APBB1IP: variants seen among roughly 807,000 people sequenced by gnomAD.
APBB1IP encodes amyloid beta precursor protein binding family B member 1 interacting protein, also known as amyloid beta A4 precursor protein-binding family B member 1-interacting protein.
A neutral mutation model predicts 64.9 loss-of-function variants in APBB1IP; 27 were observed. The observed-to-expected ratio is 0.42, with a 90% confidence interval of 0.31 to 0.57. The LOEUF (loss-of-function observed/expected upper bound fraction) is 0.57. Among genes scored for constraint, APBB1IP ranks in the 20% least tolerant of loss-of-function variants. The pLI is 0.20. For missense variants in APBB1IP, 812 were observed against 845.5 expected (o/e 0.96, Z 0.49); for synonymous variants, 392 against 331.0 (o/e 1.18, Z -2.00).
intron 14 of APBB1IP, among the ~76,000 whole-genome samples, chr10:26,566,612 T>C (rs1837047566): frequency 6.6e-6 from 1 of 152,162 alleles, no homozygotes; most frequent in Non-Finnish European, 1.5e-5. Flanking sequence ...TTTAGAATAA[T>C]TGCCTTATTC....
chr10:26,483,849 A>G (rs886674653), intron 2 of APBB1IP, among the ~76,000 whole-genome samples: 1 of 152,172 alleles, frequency 6.6e-6, no homozygotes, highest in African/African-American at 2.4e-5. Flanking sequence ...AATAGCAGGG[A>G]CTACAGGCGC....
chr10:26,562,409 A>G lies in APBB1IP; in HGVS notation c.1453A>G (p.Arg485Gly). 1 of 1,613,930 alleles carries G rather than the reference A, an allele frequency of 6.2e-7. No individual in the cohort carries two copies. The highest frequency in any genetic ancestry group is 8.5e-7 in the Non-Finnish European group (1 of 1,179,864). The change falls in exon 14 of 15, where the codon AGA (arginine) becomes GGA (glycine). Residue 485 changes from arginine to glycine, a missense_variant. By Grantham distance (125) the Arg-to-Gly change is moderately radical. This residue lies in a region of APBB1IP where 381 missense variants were observed against 352.1 expected (regional missense o/e 1.08). Transcript: ENST00000376236. ...SVSAVLQEAQ[R>G]HAETSKDKKP... Reference sequence around the variant, plus strand: ...CAGTGCTGTTCTCCAAGAGGCCCAGAGACATGCTGAAACATCGAAGGTAAA... The same window carrying G: ...CAGTGCTGTTCTCCAAGAGGCCCAGGGACATGCTGAAACATCGAAGGTAAA...
intron 3 of APBB1IP, among the ~76,000 whole-genome samples, chr10:26,494,328 A>C (rs879867483): frequency 1.3e-5 from 2 of 152,210 alleles, no homozygotes; most frequent in Non-Finnish European, 2.9e-5. Context: ...GCCAGGTTAC[A>C]GTCAGGTGGG....
chr10:26,497,610 G>C lies in APBB1IP; in HGVS notation c.160+1219G>C, dbSNP rs1002226247. On this transcript the variant is annotated intron_variant, in intron 4 of 14. Transcript: ENST00000376236. Reference sequence around the variant, plus strand: ...TTAGTGAGAACTCCCTGCAACTCTGGAAAAAGATTTCCCAAAGACTTGCTG... The same window carrying C: ...TTAGTGAGAACTCCCTGCAACTCTGCAAAAAGATTTCCCAAAGACTTGCTG... Among the ~76,000 whole-genome samples, 18 of 151,810 alleles carry C rather than the reference G, an allele frequency of 1.2e-4. No individual in the cohort carries two copies. In the East Asian group the frequency reaches 3.5e-3, roughly 29 times the overall value.
In APBB1IP at chr10:26,500,936, A is replaced by G. The variant is rs1836089319; in HGVS notation, c.278A>G (p.Gln93Arg). 1 of 1,614,206 alleles carries G rather than the reference A, an allele frequency of 6.2e-7. No homozygotes were observed. The highest frequency in any genetic ancestry group is 8.5e-7 in the Non-Finnish European group (1 of 1,180,042). The change falls in exon 5 of 15, where the codon CAA becomes CGA. Residue 93 changes from glutamine to arginine, a missense_variant. Coordinates refer to ENST00000376236, the MANE Select transcript of APBB1IP (RefSeq NM_019043.4). ...GCACAGAAAGAGTCCTTGCAGAATC[A>G]ACATCATTCAGCATCTCTACAAGCA... The part of the protein sequence containing the change: ...IQAQKESLQN[Q>R]HHSASLQASI...
intron 11 of APBB1IP, among the ~76,000 whole-genome samples, chr10:26,544,891 A>G (rs994888960): frequency 6.6e-6 from 1 of 152,216 alleles, no homozygotes; most frequent in Non-Finnish European, 1.5e-5. Flanking sequence ...CTAGGTCTAC[A>G]AGAGAGAGTT....
At chr10:26,496,418 G>C (rs1312664990) in intron 4 of APBB1IP, 27 bp downstream of exon 4, 11 of 1,540,466 alleles carry the variant, frequency 7.1e-6, no homozygotes, top group Non-Finnish European at 9.0e-6. Context: ...CTTTTCTTAA[G>C]TAATTCAAAA....
chr10:26,500,927 T>C lies in APBB1IP; in HGVS notation c.269T>C (p.Leu90Ser), dbSNP rs376106941. The change falls in exon 5 of 15, where the codon TTG becomes TCG. Residue 90 changes from leucine to serine, a missense_variant. Physicochemically the swap from Leu to Ser is moderately radical, Grantham distance 145 (BLOSUM62 -2). Around this residue, in one of 3 missense-constraint regions of APBB1IP, gnomAD observed 394 missense variants for 413.1 expected, o/e 0.95. Coordinates refer to ENST00000376236, the MANE Select transcript of APBB1IP (RefSeq NM_019043.4). ...ACAATCCAGGCACAGAAAGAGTCCT[T>C]GCAGAATCAACATCATTCAGCATCT... Reference protein sequence around the residue: ...QRTIQAQKESLQNQHHSASLQ... With the variant: ...QRTIQAQKESSQNQHHSASLQ... The C allele has an allele frequency of 5.6e-6, 9 of 1,614,076 alleles. No homozygotes were observed. The highest frequency in any genetic ancestry group is 7.6e-6 in the Non-Finnish European group (9 of 1,180,038).
At chr10:26,533,896 T>C (rs787052) in intron 9 of APBB1IP, among the ~76,000 whole-genome samples, 134,013 of 151,824 alleles carry the variant, frequency 0.88, 59,403 homozygotes, top group Admixed American at 0.93. Flanking sequence ...TGGTAGGAAG[T>C]GTGAGATTTG....
At chr10:26,510,947 T>C (rs992914422) in intron 6 of APBB1IP, among the ~76,000 whole-genome samples, 2 of 152,082 alleles carry the variant, frequency 1.3e-5, no homozygotes, top group African/African-American at 2.4e-5. Context: ...CTTTAGAGAA[T>C]TGTAGATTAA....
intron 11 of APBB1IP, among the ~76,000 whole-genome samples, chr10:26,555,952 G>T (rs1228915588): frequency 6.6e-6 from 1 of 152,178 alleles, no homozygotes; most frequent in Non-Finnish European, 1.5e-5. Context: ...GGCACCCAGA[G>T]ATATTTATTG....
Position 26,481,886 on chromosome 10 carries a change from A to G in APBB1IP, c.1-10441A>G, listed in dbSNP as rs1835839139. On this transcript the variant is annotated intron_variant, in intron 2 of 14. Transcript: ENST00000376236. ...GTGTGTGTCTTTACTGCAAAATTCT[A>G]AGACTTTTCAAAGCACTCTCTTAGT... Among the ~76,000 whole-genome samples the G allele has an allele frequency of 2.0e-5, 3 of 150,974 alleles. No individual in the cohort carries two copies. In the South Asian group the frequency reaches 6.3e-4, roughly 32 times the overall value.
At chr10:26,558,212 T>A (rs1441313466) in intron 11 of APBB1IP, among the ~76,000 whole-genome samples, 1 of 152,004 alleles carries the variant, frequency 6.6e-6, no homozygotes, top group Non-Finnish European at 1.5e-5. Context: ...AAATGTATTA[T>A]AATAAACCTT....
intron 11 of APBB1IP, among the ~76,000 whole-genome samples, chr10:26,550,918 C>T (rs1836822706): frequency 6.6e-6 from 1 of 152,162 alleles, no homozygotes; most frequent in Admixed American, 6.5e-5. Flanking sequence ...TTTTGTATGT[C>T]ATTTCAGCAC....
chr10:26,497,405 G>T (rs2132434596), intron 4 of APBB1IP, among the ~76,000 whole-genome samples: 1 of 151,848 alleles, frequency 6.6e-6, no homozygotes, highest in Admixed American at 6.6e-5. Flanking sequence ...CAAAAAATTA[G>T]CCCGGTGTGG....
At chr10:26,542,765 C>G (rs201226574) in intron 11 of APBB1IP, among the ~76,000 whole-genome samples, 1 of 130,034 alleles carries the variant, frequency 7.7e-6, no homozygotes, top group African/African-American at 2.7e-5. Flanking sequence ...GATGTCCTAG[C>G]CTTTTTTTTT....
At chr10:26,541,153 G>T (rs75407391) in intron 10 of APBB1IP, among the ~76,000 whole-genome samples, 1,850 of 152,120 alleles carry the variant, frequency 0.012, 29 homozygotes, top group South Asian at 0.056. Flanking sequence ...GATTTTCATG[G>T]CTGCACTCTT....
intron 10 of APBB1IP, among the ~76,000 whole-genome samples, chr10:26,538,510 G>A (rs1479989796): frequency 1.3e-5 from 2 of 151,426 alleles, no homozygotes; most frequent in African/African-American, 4.8e-5. Flanking sequence ...GCGTGGTGGC[G>A]GGCGCCTGTA....
chr10:26,545,346 C>T (rs543652892), intron 11 of APBB1IP, among the ~76,000 whole-genome samples: 1 of 152,340 alleles, frequency 6.6e-6, no homozygotes, highest in East Asian at 1.9e-4. Flanking sequence ...AGACTTAGGC[C>T]AGGTGCGGTG....
Sources: gnomAD v4.1 joint callset for allele counts (sites outside exome capture counted in the v4.1 genomes callset) on GRCh38, gnomAD v4.1.1 for gene constraint, gnomAD v4.1.1 regional missense constraint, MANE v1.5 for transcripts, NCBI Gene and HGNC (gene_info 2026-07-23, HGNC 2026-07-21) for gene names.